PCDHGB7: variants seen among roughly 807,000 people sequenced by gnomAD.
PCDHGB7 encodes the protein protocadherin gamma-B7.
In PCDHGB7, 37 loss-of-function variants were observed where a neutral mutation model predicts 61.4. That is an observed-to-expected ratio of 0.60 (90% CI 0.46 to 0.79). The LOEUF (loss-of-function observed/expected upper bound fraction) is 0.79. PCDHGB7 is among the 30% of genes least tolerant of loss of function. The pLI is 0.00. For synonymous variants in PCDHGB7, 464 were observed against 503.5 expected (o/e 0.92, Z 1.05); for missense variants, 1,166 against 1,202.5 (o/e 0.97, Z 0.45).
At chr5:141,469,425 C>T (rs1035406646) in intron 1 of PCDHGB7, among the ~76,000 whole-genome samples, 1 of 151,622 alleles carries the variant, frequency 6.6e-6, no homozygotes, top group East Asian at 1.9e-4. Context: ...AAATATAAAA[C>T]TTAGCTGGGC....
Position 141,505,566 on chromosome 5 carries a change from A to G in PCDHGB7, c.2563+85A>G, listed in dbSNP as rs1363426407. 1.4e-5 allele frequency: 22 copies of G among 1,599,886 alleles called. No individual in the cohort carries two copies. In the East Asian group the frequency reaches 4.7e-4, roughly 34 times the overall value. ...CACAGCCACCATGCCCACGGACTGGATGTCAAACCTGTGTAGTTTCTCCAG... is the reference window on the plus strand; with the variant it reads ...CACAGCCACCATGCCCACGGACTGGGTGTCAAACCTGTGTAGTTTCTCCAG... On this transcript the variant is annotated intron_variant, in intron 3 of 3. Coordinates refer to ENST00000398594, the MANE Select transcript of PCDHGB7 (RefSeq NM_018927.4).
chr5:141,419,649 A>C lies in PCDHGB7; in HGVS notation c.1790A>C (p.Asp597Ala). Residue 597 changes from aspartate (D) to alanine (A), a missense_variant, in exon 1 of 4, where the codon GAC (aspartate) becomes GCC (alanine). Coordinates refer to ENST00000398594, the MANE Select transcript of PCDHGB7 (RefSeq NM_018927.4). ...LVTKVVAVDA[D>A]SGHNAWLSYH... ...ACCAAGGTGGTGGCCGTGGACGCGG[A>C]CTCGGGGCACAATGCCTGGCTGTCC... The C allele has an allele frequency of 6.2e-7, 1 of 1,612,422 alleles. No homozygotes were observed. Among genetic ancestry groups the C allele is most frequent in the Non-Finnish European group, 8.5e-7 (1 of 1,179,746 alleles).
chr5:141,419,577 C>T lies in PCDHGB7; in HGVS notation c.1718C>T (p.Ala573Val). 3.7e-6 allele frequency: 6 copies of T among 1,611,732 alleles called. No individual in the cohort carries two copies. The highest frequency in any genetic ancestry group is 5.1e-6 in the Non-Finnish European group (6 of 1,179,494). ...LYPALGPDGS[A>V]LFDTVPRAAQ... ...CCTGCGCTGGGTCCCGACGGCTCCGCGCTCTTCGACACAGTGCCGCGGGCC... is the reference window on the plus strand; with the variant it reads ...CCTGCGCTGGGTCCCGACGGCTCCGTGCTCTTCGACACAGTGCCGCGGGCC... The change falls in exon 1 of 4, where the codon GCG becomes GTG. Residue 573 changes from alanine to valine, a missense_variant. Ala to Val is a moderately conservative substitution (Grantham distance 64). Coordinates refer to ENST00000398594, the MANE Select transcript of PCDHGB7 (RefSeq NM_018927.4).
At position 141,419,512 on chromosome 5, in the gene PCDHGB7, G is replaced by T. The variant is rs754877872; in HGVS notation, c.1653G>T (p.Leu551Phe). The part of the protein sequence containing the change: ...ALSANVSLRV[L>F]VGDRNDNAPR... ...GCGCCAATGTGAGCCTGCGCGTGTT[G>T]GTGGGCGACCGTAACGACAACGCAC... The change falls in exon 1 of 4, where the codon TTG becomes TTT. Residue 551 changes from leucine (L) to phenylalanine (F), a missense_variant. Physicochemically the swap from Leu to Phe is conservative, Grantham distance 22. Coordinates refer to ENST00000398594, the MANE Select transcript of PCDHGB7 (RefSeq NM_018927.4). 3.7e-6 allele frequency: 6 copies of T among 1,612,296 alleles called. No individual in the cohort carries two copies. The highest frequency in any genetic ancestry group is 1.1e-5 in the South Asian group (1 of 90,984).
At chr5:141,496,892 A>AG (rs1372616572) in intron 2 of PCDHGB7, among the ~76,000 whole-genome samples, 1 of 151,766 alleles carries the variant, frequency 6.6e-6, no homozygotes, top group Non-Finnish European at 1.5e-5. Flanking sequence ...AACACTTAAA[A>AG]AAAAAAAAAA....
rs754728562 is a variant in PCDHGB7, at chr5:141,489,487, G to A, written c.2416-5320G>A. 6.2e-7 allele frequency: 1 copy of A among 1,613,942 alleles called. No individual in the cohort carries two copies. On this transcript the variant is annotated intron_variant, in intron 1 of 3. Coordinates refer to ENST00000398594, the MANE Select transcript of PCDHGB7 (RefSeq NM_018927.4). This position sits in a 1 kb window ranked among gnomAD's most constrained non-coding sequence, Gnocchi z 4.5. The stretch of plus-strand genomic sequence containing the variant: ...TTTTTCCCTGAGCTTGATGAGTGGT[G>A]CCCTGGCAGTGAATCAAAAGATTGA...
At chr5:141,439,183 ACT>A (rs1255299140) in intron 1 of PCDHGB7, among the ~76,000 whole-genome samples, 3 of 145,262 alleles carry the variant, frequency 2.1e-5, no homozygotes, top group Non-Finnish European at 3.0e-5. Context: ...ACATAGTGAG[ACT>A]CTGACAAAAA....
rs775380177 is a variant in PCDHGB7, at chr5:141,422,666, C to T, written c.2415+2392C>T. The T allele has an allele frequency of 3.1e-6, 5 of 1,608,026 alleles. No individual in the cohort carries two copies. In the South Asian group the frequency reaches 3.3e-5, roughly 11 times the overall value. ...ATCTTCTCAGTGACCGCCCTCGACC[C>T]GGACAGCAAACAGAATGCCCTGGTC... On this transcript the variant is annotated intron_variant, in intron 1 of 3. Transcript: ENST00000398594.
At chr5:141,430,928 C>A in intron 1 of PCDHGB7, 1 of 1,607,098 alleles carries the variant, frequency 6.2e-7, no homozygotes, top group Non-Finnish European at 8.5e-7. Context: ...GCTGGAGCCC[C>A]GGGAGCTCGC....
chr5:141,485,867 G>A lies in PCDHGB7; in HGVS notation c.2416-8940G>A. On this transcript the variant is annotated intron_variant, in intron 1 of 3. Coordinates refer to ENST00000398594, the MANE Select transcript of PCDHGB7 (RefSeq NM_018927.4). The surrounding 1 kb of genome is among the most constrained non-coding windows in gnomAD (Gnocchi z 5.7). ...TGGCACCGCAGAGCTCCGGGTATCC[G>A]TGCTGGACGTAAACGACAACGCCCC... The A allele has an allele frequency of 1.9e-6, 3 of 1,614,164 alleles. No homozygotes were observed. Among genetic ancestry groups the A allele is most frequent in the Non-Finnish European group, 8.5e-7 (1 of 1,180,040 alleles).
At chr5:141,422,500 G>A (rs762511271) in intron 1 of PCDHGB7, 1 of 1,614,008 alleles carries the variant, frequency 6.2e-7, no homozygotes, top group Non-Finnish European at 8.5e-7. Flanking sequence ...AACGTTGACA[G>A]CCACAGACCA....
intron 1 of PCDHGB7, among the ~76,000 whole-genome samples, chr5:141,444,152 ATTTTTTTTTTTT>A (rs747671382): frequency 5.9e-4 from 20 of 33,896 alleles, no homozygotes; most frequent in African/African-American, 1.8e-3. Flanking sequence ...TGTGTACTGG[ATTTTTTTTTTTT>A]TTTTTTTTTT....
chr5:141,512,866 AC>A lies in PCDHGB7; in HGVS notation c.*1694del. Reference sequence around the variant, plus strand: ...TATAAGCGCTTCTCTTCGCATAGTCACGTAGCTCCCACCCCACCCTCTTCCT... The same window carrying A: ...TATAAGCGCTTCTCTTCGCATAGTCAGTAGCTCCCACCCCACCCTCTTCCT... On this transcript the variant is annotated 3_prime_UTR_variant, in exon 4 of 4. Transcript: ENST00000398594. 1 of 152,098 alleles carries A rather than the reference AC, an allele frequency of 6.6e-6. No homozygotes were observed. Among genetic ancestry groups the A allele is most frequent in the Non-Finnish European group, 1.5e-5 (1 of 68,034 alleles). 9.4% of individuals were successfully genotyped at this position (152,098 alleles called of 1,614,324 possible).
In PCDHGB7 at chr5:141,485,076, G is replaced by A; in HGVS notation, c.2416-9731G>A. 2.1e-6 allele frequency: 2 copies of A among 944,586 alleles called. No homozygotes were observed. Among genetic ancestry groups the A allele is most frequent in the East Asian group, 2.4e-5 (1 of 41,508 alleles). The allele number at this position is 944,586 out of a possible 1,614,324, so 58.5% of individuals were successfully genotyped here. ...CCGAACCGCGCCAGAGCTGGCGCGG[G>A]GAAAGGGAGATAGGTGTCTCCAGCT... On this transcript the variant is annotated intron_variant, in intron 1 of 3. Coordinates refer to ENST00000398594, the MANE Select transcript of PCDHGB7 (RefSeq NM_018927.4). This position sits in a 1 kb window ranked among gnomAD's most constrained non-coding sequence, Gnocchi z 5.7.
chr5:141,492,316 G>C (rs1283387204), intron 1 of PCDHGB7, among the ~76,000 whole-genome samples: 1 of 152,190 alleles, frequency 6.6e-6, no homozygotes. Context: ...CGCACTCCTC[G>C]CACGTGGGCT....
chr5:141,510,272 TAAAA>T (rs546154379), intron 3 of PCDHGB7, among the ~76,000 whole-genome samples: 1 of 130,390 alleles, frequency 7.7e-6, no homozygotes, highest in East Asian at 2.2e-4. Context: ...GACTCCATCT[TAAAA>T]AAAAAAAAAA....
At chr5:141,482,338 T>C (rs2099556539) in intron 1 of PCDHGB7, among the ~76,000 whole-genome samples, 1 of 152,156 alleles carries the variant, frequency 6.6e-6, no homozygotes, top group African/African-American at 2.4e-5. Context: ...ATATCTACTT[T>C]GCAAACTTGT....
At chr5:141,510,155 C>G (rs1044168112) in intron 3 of PCDHGB7, among the ~76,000 whole-genome samples, 2 of 151,942 alleles carry the variant, frequency 1.3e-5, no homozygotes, top group African/African-American at 4.8e-5. Context: ...CACCTGTAAT[C>G]TCAGCTACTC....
At chr5:141,423,734 T>C in intron 1 of PCDHGB7, 1 of 969,626 alleles carries the variant, frequency 1.0e-6, no homozygotes, top group Non-Finnish European at 1.3e-6. Flanking sequence ...TTTTTGAGCC[T>C]GTTATGAAAA....
Sources: allele counts gnomAD v4.1 joint callset (sites outside exome capture counted in the v4.1 genomes callset), GRCh38; gene constraint gnomAD v4.1.1; non-coding constraint Gnocchi (gnomAD v3.1); transcripts MANE v1.5; gene names NCBI Gene and HGNC (gene_info 2026-07-23, HGNC 2026-07-21).